The following RASAL2 variants were observed in gnomAD, a reference collection of about 807,000 sequenced individuals.
RASAL2 encodes the protein RAS protein activator like 2.
Under a neutral mutation model 128.9 loss-of-function variants are expected in RASAL2, and 58 were observed. That is an observed-to-expected ratio of 0.45 (90% CI 0.36 to 0.56). RASAL2 has a LOEUF of 0.56. Ranked by LOEUF, RASAL2 falls within the 20% of genes least tolerant of loss-of-function variation. The pLI, the probability that RASAL2 is intolerant of heterozygous loss-of-function variation, is 0.00. For missense variants in RASAL2, 1,360 were observed against 1,601.6 expected (o/e 0.85, Z 2.57); for synonymous variants, 561 against 580.8 (o/e 0.97, Z 0.49).
At chr1:178,164,052 G>A (rs141339585) in intron 1 of RASAL2, among the ~76,000 whole-genome samples, 11 of 152,188 alleles carry the variant, frequency 7.2e-5, no homozygotes, top group African/African-American at 2.4e-4. Flanking sequence ...AGCATATATG[G>A]CAAAATGTAA....
intron 1 of RASAL2, among the ~76,000 whole-genome samples, chr1:178,265,790 T>A (rs2102150846): frequency 6.6e-6 from 1 of 152,334 alleles, no homozygotes; most frequent in South Asian, 2.1e-4. Context: ...ACACTTCACC[T>A]GCAAACAGTG....
intron 4 of RASAL2, chr1:178,412,014 G>T: frequency 2.1e-6 from 1 of 482,494 alleles, no homozygotes; most frequent in South Asian, 2.6e-5. Flanking sequence ...CACCGTCTGT[G>T]AACAAGACTC....
intron 2 of RASAL2, among the ~76,000 whole-genome samples, chr1:178,295,291 A>G (rs141637335): frequency 1.2e-4 from 18 of 150,514 alleles, no homozygotes; most frequent in Non-Finnish European, 2.7e-4. Context: ...CAGAATGTTC[A>G]GGTTTGTTAC....
chr1:178,249,326 C>T (rs959050874), intron 1 of RASAL2, among the ~76,000 whole-genome samples: 5 of 151,658 alleles, frequency 3.3e-5, no homozygotes, highest in Non-Finnish European at 5.9e-5. Flanking sequence ...TCTGCTTGAT[C>T]GATTCAGCTA....
chr1:178,293,456 G>T (rs1240742620), intron 2 of RASAL2, among the ~76,000 whole-genome samples: 2 of 152,214 alleles, frequency 1.3e-5, no homozygotes, highest in African/African-American at 4.8e-5. Flanking sequence ...GAGACTGCCA[G>T]TCCTTAGATC....
intron 1 of RASAL2, among the ~76,000 whole-genome samples, chr1:178,125,065 G>A (rs1659847328): frequency 6.6e-6 from 1 of 152,138 alleles, no homozygotes; most frequent in Non-Finnish European, 1.5e-5. Context: ...AATATCCTGG[G>A]AGAATTATTG....
intron 1 of RASAL2, among the ~76,000 whole-genome samples, chr1:178,236,841 G>A (rs1177459320): frequency 1.4e-5 from 2 of 143,066 alleles, no homozygotes; most frequent in African/African-American, 5.3e-5. Flanking sequence ...TCGGCTCACT[G>A]CAACCTCCGC....
rs566507925 is a variant in RASAL2, at chr1:178,284,813, A to G, written c.330+1122A>G. 6.6e-5 allele frequency among the ~76,000 whole-genome samples: 10 copies of G among 152,332 alleles called. No homozygotes were observed. In the South Asian group the frequency reaches 1.2e-3, roughly 19 times the overall value. ...AGGAGAAGATATGATTCAATGAAGG[A>G]GAAAGATTAATTGCCAAAACTATAT... On this transcript the variant is annotated intron_variant, in intron 2 of 17. Transcript: ENST00000367649.
At chr1:178,420,736 T>C in intron 5 of RASAL2, 116 bp downstream of exon 5, 2 of 754,570 alleles carry the variant, frequency 2.7e-6, no homozygotes, top group Non-Finnish European at 4.1e-6. Context: ...AATAAAAAAT[T>C]GACTTTTATG....
chr1:178,187,091 G>A (rs1369654551), intron 1 of RASAL2, among the ~76,000 whole-genome samples: 7 of 152,084 alleles, frequency 4.6e-5, no homozygotes, highest in Admixed American at 4.6e-4. Context: ...GCCTCCCAAA[G>A]TGCTGGGATT....
At chr1:178,338,034 G>A (rs2102394401) in intron 3 of RASAL2, among the ~76,000 whole-genome samples, 1 of 152,060 alleles carries the variant, frequency 6.6e-6, no homozygotes, top group South Asian at 2.1e-4. Context: ...GCCCAGCTGT[G>A]ATTTTTAATT....
intron 1 of RASAL2, among the ~76,000 whole-genome samples, chr1:178,193,011 AT>A (rs1662541997): frequency 6.6e-6 from 1 of 152,112 alleles, no homozygotes; most frequent in South Asian, 2.1e-4. Context: ...CAGGGAAATT[AT>A]TTTTTTAAAA....
At chr1:178,313,651 C>A (rs745840433) in intron 3 of RASAL2, among the ~76,000 whole-genome samples, 2 of 152,122 alleles carry the variant, frequency 1.3e-5, no homozygotes, top group Non-Finnish European at 2.9e-5. Flanking sequence ...CCACCACACC[C>A]AGCTAATTAA....
intron 3 of RASAL2, among the ~76,000 whole-genome samples, chr1:178,312,934 C>G (rs879511691): frequency 6.6e-6 from 1 of 151,862 alleles, no homozygotes; most frequent in African/African-American, 2.4e-5. Flanking sequence ...CCTTGTAAAC[C>G]CAAGAGGTAG....
At chr1:178,393,054 C>A (rs1474932891) in intron 4 of RASAL2, among the ~76,000 whole-genome samples, 1 of 152,060 alleles carries the variant, frequency 6.6e-6, no homozygotes, top group African/African-American at 2.4e-5. Flanking sequence ...TGGTTTTCAG[C>A]AATATTTAAA....
At chr1:178,168,413 T>C (rs1661590416) in intron 1 of RASAL2, among the ~76,000 whole-genome samples, 1 of 152,056 alleles carries the variant, frequency 6.6e-6, no homozygotes, top group African/African-American at 2.4e-5. Context: ...TCTTTTTTTT[T>C]CCGTTTTATA....
chr1:178,337,080 A>G (rs1669623030), intron 3 of RASAL2, among the ~76,000 whole-genome samples: 1 of 149,280 alleles, frequency 6.7e-6, no homozygotes, highest in South Asian at 2.1e-4. Flanking sequence ...TTGCCATTCC[A>G]GAAAAAAAAA....
chr1:178,454,729 T>TATAG, intron 12 of RASAL2, 81 bp downstream of exon 12: 1 of 1,227,742 alleles, frequency 8.1e-7, no homozygotes, highest in Non-Finnish European at 1.2e-6. Context: ...GCACTCACTC[T>TATAG]TTCTGCTAAT....
In RASAL2 at chr1:178,300,444, G is replaced by C. The variant is rs192926152; in HGVS notation, c.457+326G>C. Among the ~76,000 whole-genome samples, 199 of 152,310 alleles carry C rather than the reference G, an allele frequency of 1.3e-3. 1 individual carries two copies. The highest frequency in any genetic ancestry group is 4.6e-3 in the Admixed American group (70 of 15,304). The stretch of plus-strand genomic sequence containing the variant: ...TTTGGTGATCTTGTTGAAGCACTGA[G>C]GTTCATAAGGGAGCAGTATGTGTTG... On this transcript the variant is annotated intron_variant, in intron 3 of 17. Coordinates refer to ENST00000367649, the MANE Select transcript of RASAL2 (RefSeq NM_170692.4).
Sources: allele counts gnomAD v4.1 joint callset (sites outside exome capture counted in the v4.1 genomes callset), GRCh38; gene constraint gnomAD v4.1.1; transcripts MANE v1.5; gene names NCBI Gene and HGNC (gene_info 2026-07-23, HGNC 2026-07-21).